Variants in DAG1 observed in about 807,000 individuals in gnomAD.
DAG1 encodes the protein dystroglycan 1 (dystrophin-associated glycoprotein 1).
DAG1 carries 8 observed loss-of-function variants against 46.1 expected under a neutral mutation model. That is an observed-to-expected ratio of 0.17 (90% CI 0.10 to 0.31). The LOEUF is 0.31. DAG1 is among the 10% of genes least tolerant of loss of function. The pLI is 1.00. For synonymous variants in DAG1, 495 were observed against 481.8 expected (o/e 1.03, Z -0.36); for missense variants, 1,003 against 1,189.9 (o/e 0.84, Z 2.31).
chr3:49,523,593 C>CT (rs1337526277), intron 2 of DAG1, among the ~76,000 whole-genome samples: 1 of 152,142 alleles, frequency 6.6e-6, no homozygotes, highest in Non-Finnish European at 1.5e-5. Flanking sequence ...ACCTTAGATG[C>CT]TTTGAGCTTC....
chr3:49,508,743 G>A (rs2050681144), intron 1 of DAG1, among the ~76,000 whole-genome samples: 1 of 152,026 alleles, frequency 6.6e-6, no homozygotes, highest in African/African-American at 2.4e-5. Context: ...TGGCCAGGCT[G>A]GTCTTGAACT....
At chr3:49,487,941 ATC>A (rs1559552124) in intron 1 of DAG1, among the ~76,000 whole-genome samples, 1 of 151,912 alleles carries the variant, frequency 6.6e-6, no homozygotes, top group Non-Finnish European at 1.5e-5. Flanking sequence ...TGACCTCGTG[ATC>A]TGCCCGCCTC....
At chr3:49,527,478 C>T (rs1309157563) in intron 2 of DAG1, among the ~76,000 whole-genome samples, 2 of 80,800 alleles carry the variant, frequency 2.5e-5, no homozygotes, top group African/African-American at 7.9e-5. Flanking sequence ...GCCGAGATAG[C>T]GCCACTGCAG....
At chr3:49,479,244 C>G (rs900742579) in intron 1 of DAG1, among the ~76,000 whole-genome samples, 8 of 152,066 alleles carry the variant, frequency 5.3e-5, no homozygotes, top group Non-Finnish European at 1.2e-4. Context: ...CAGTTGTGAT[C>G]CCCCCTGATT....
At chr3:49,489,438 T>C (rs2050124753) in intron 1 of DAG1, among the ~76,000 whole-genome samples, 2 of 152,156 alleles carry the variant, frequency 1.3e-5, no homozygotes, top group African/African-American at 4.8e-5. Flanking sequence ...GACCAGATAG[T>C]TGATGACATC....
At chr3:49,474,881 G>A (rs573874972) in intron 1 of DAG1, among the ~76,000 whole-genome samples, 60 of 148,746 alleles carry the variant, frequency 4.0e-4, no homozygotes, top group Non-Finnish European at 6.6e-4. Context: ...GCATGATCTC[G>A]CCTCACTGCA....
At chr3:49,526,453 A>T (rs1350983530) in intron 2 of DAG1, among the ~76,000 whole-genome samples, 4 of 152,244 alleles carry the variant, frequency 2.6e-5, no homozygotes, top group Non-Finnish European at 1.5e-5. Flanking sequence ...TCACAACTGT[A>T]ATCCCAGCAC....
At chr3:49,473,794 G>GC (rs1283668043) in intron 1 of DAG1, among the ~76,000 whole-genome samples, 1 of 151,716 alleles carries the variant, frequency 6.6e-6, no homozygotes, top group Non-Finnish European at 1.5e-5. Context: ...ATGTTGGCCA[G>GC]CCTAATCTTG....
chr3:49,474,727 C>T (rs897771515), intron 1 of DAG1, among the ~76,000 whole-genome samples: 1 of 152,136 alleles, frequency 6.6e-6, no homozygotes, highest in Non-Finnish European at 1.5e-5. Context: ...AAGCAATCTG[C>T]CTTCCTCAGC....
At chr3:49,516,098 A>T (rs73074811) in intron 2 of DAG1, among the ~76,000 whole-genome samples, 10,646 of 152,252 alleles carry the variant, frequency 0.07, 533 homozygotes, top group Non-Finnish European at 0.11. Flanking sequence ...GGGTACAGCC[A>T]TATCTTTCAG....
intron 1 of DAG1, among the ~76,000 whole-genome samples, chr3:49,476,079 T>TAGAA (rs2049676303): frequency 6.6e-6 from 1 of 152,128 alleles, no homozygotes; most frequent in Non-Finnish European, 1.5e-5. Context: ...GATGCATTAG[T>TAGAA]AGAAGATCAT....
At chr3:49,523,379 A>G (rs2051086956) in intron 2 of DAG1, among the ~76,000 whole-genome samples, 1 of 152,052 alleles carries the variant, frequency 6.6e-6, no homozygotes, top group African/African-American at 2.4e-5. Context: ...TGCCTGGCCT[A>G]GTCCACCTGT....
chr3:49,479,628 C>CTTTTTTTT (rs71080522), intron 1 of DAG1, among the ~76,000 whole-genome samples: 1 of 47,190 alleles, frequency 2.1e-5, no homozygotes, highest in Non-Finnish European at 3.5e-5. Flanking sequence ...TATAACATTT[C>CTTTTTTTT]TTTTTTTTTT....
Position 49,533,155 on chromosome 3 carries a change from A to G in DAG1, c.2644A>G (p.Asn882Asp). Residue 882 changes from asparagine to aspartate, a missense_variant, in exon 3 of 3, where the codon AAC (asparagine) becomes GAC (aspartate). By Grantham distance (23) the Asn-to-Asp change is conservative. This residue lies in a region of DAG1 where 755 missense variants were observed against 854.1 expected (regional missense o/e 0.88). Coordinates refer to ENST00000308775, the MANE Select transcript of DAG1 (RefSeq NM_004393.6). The stretch of plus-strand genomic sequence containing the variant: ...GGAGGGCAAGGGCTCCCGTCCCAAG[A>G]ACATGACCCCATACCGGTCACCTCC... ...PMEGKGSRPK[N>D]MTPYRSPPPY... is the part of the protein sequence containing the mutation. 1 of 1,614,066 alleles carries G rather than the reference A, an allele frequency of 6.2e-7. No homozygotes were observed. The highest frequency in any genetic ancestry group is 8.5e-7 in the Non-Finnish European group (1 of 1,180,016).
At chr3:49,509,265 T>C (rs2050695320) in intron 1 of DAG1, among the ~76,000 whole-genome samples, 1 of 152,170 alleles carries the variant, frequency 6.6e-6, no homozygotes, top group Admixed American at 6.6e-5. Flanking sequence ...GGACACTGTC[T>C]GTACAAAAGA....
chr3:49,498,696 TTTATTA>T (rs138073019), intron 1 of DAG1, among the ~76,000 whole-genome samples: 1 of 149,576 alleles, frequency 6.7e-6, no homozygotes, highest in East Asian at 1.9e-4. Context: ...TCCCATTTTC[TTTATTA>T]TTATTATTAT....
chr3:49,477,383 C>G (rs1260946411), intron 1 of DAG1, among the ~76,000 whole-genome samples: 1 of 152,120 alleles, frequency 6.6e-6, no homozygotes, highest in East Asian at 1.9e-4. Flanking sequence ...CCTTGACCTC[C>G]TAGGCTCAAG....
chr3:49,492,191 C>G (rs1166474644), intron 1 of DAG1, among the ~76,000 whole-genome samples: 1 of 152,174 alleles, frequency 6.6e-6, no homozygotes, highest in Non-Finnish European at 1.5e-5. Flanking sequence ...TCCTAAAGTG[C>G]TGGGATTACA....
chr3:49,510,426 G>A lies in DAG1; in HGVS notation c.-109G>A, dbSNP rs1399712467. ...CTTTTCTTTTTTTTTCAGGCTCTGT[G>A]TGCTCCGGGATGGAGCAGGTGTGCA... On this transcript the variant is annotated 5_prime_UTR_variant, in exon 2 of 3. The change creates a new upstream start codon in the 5' untranslated region. Transcript: ENST00000308775. The A allele has an allele frequency of 9.4e-7, 1 of 1,063,528 alleles. No individual in the cohort carries two copies. Among genetic ancestry groups the A allele is most frequent in the Admixed American group, 1.7e-5 (1 of 58,414 alleles). The allele number at this position is 1,063,528 out of a possible 1,614,324, so 65.9% of individuals were successfully genotyped here.
Sources: gnomAD v4.1 joint callset for allele counts (sites outside exome capture counted in the v4.1 genomes callset) on GRCh38, gnomAD v4.1.1 for gene constraint, gnomAD v4.1.1 regional missense constraint, MANE v1.5 for transcripts, NCBI Gene and HGNC (gene_info 2026-07-23, HGNC 2026-07-21) for gene names.